Variants in KGD4 observed in about 807,000 individuals in gnomAD.
KGD4 encodes the protein alpha-ketoglutarate dehydrogenase component 4.
chr5:69,228,140 C>G, the KGD4 span: 33 of 1,286,722 alleles, frequency 2.6e-5, no homozygotes, highest in Non-Finnish European at 3.5e-5. Flanking sequence ...TATTTTAAGA[C>G]TCAGTATTTT....
the KGD4 span, among the ~76,000 whole-genome samples, chr5:69,220,767 AAG>A: frequency 2.6e-5 from 4 of 152,166 alleles, no homozygotes; most frequent in African/African-American, 9.6e-5. Context: ...GGGGAAAAGA[AAG>A]AGAGATCAGA....
At chr5:69,219,236 G>T in the KGD4 span, among the ~76,000 whole-genome samples, 62,117 of 152,006 alleles carry the variant, frequency 0.41, 12,810 homozygotes, top group South Asian at 0.56. Flanking sequence ...GTCTCTAATA[G>T]TTAAGCATGT....
At chr5:69,227,331 C>G in the KGD4 span, among the ~76,000 whole-genome samples, 1 of 152,160 alleles carries the variant, frequency 6.6e-6, no homozygotes, top group Non-Finnish European at 1.5e-5. Context: ...AATAACCATT[C>G]CTGTTTCTCT....
the KGD4 span, among the ~76,000 whole-genome samples, chr5:69,222,590 G>C: frequency 6.6e-6 from 1 of 152,096 alleles, no homozygotes; most frequent in African/African-American, 2.4e-5. Context: ...CTTTTAAGTT[G>C]TAGAGAGGGA....
At chr5:69,217,823 G>C in the KGD4 span, 5 of 1,613,970 alleles carry the variant, frequency 3.1e-6, no homozygotes, top group Non-Finnish European at 4.2e-6. Context: ...GCCCCTTCTC[G>C]GGGGTCATGA....
chr5:69,222,449 T>TA, the KGD4 span, among the ~76,000 whole-genome samples: 3 of 152,136 alleles, frequency 2.0e-5, no homozygotes, highest in Non-Finnish European at 4.4e-5. Flanking sequence ...AATGGGTACA[T>TA]AAGACAGTAG....
At chr5:69,219,446 T>C in the KGD4 span, among the ~76,000 whole-genome samples, 4 of 152,168 alleles carry the variant, frequency 2.6e-5, no homozygotes, top group Admixed American at 6.6e-5. Context: ...TGCCATGGGG[T>C]CCCTGGCTCT....
At chr5:69,218,382 C>T in the KGD4 span, among the ~76,000 whole-genome samples, 1 of 152,234 alleles carries the variant, frequency 6.6e-6, no homozygotes, top group Non-Finnish European at 1.5e-5. Flanking sequence ...CGGGTTCTCC[C>T]CAACCTCTCC....
At chr5:69,226,159 TTG>T in the KGD4 span, among the ~76,000 whole-genome samples, 1 of 151,884 alleles carries the variant, frequency 6.6e-6, no homozygotes, top group Admixed American at 6.6e-5. Context: ...AAGTACAAAG[TTG>T]TGTTTACCGG....
chr5:69,223,554 A>G, the KGD4 span, among the ~76,000 whole-genome samples: 2 of 90,454 alleles, frequency 2.2e-5, no homozygotes. Context: ...ATATAAATAT[A>G]TTGCAGATAA....
chr5:69,218,122 T>C, the KGD4 span: 9 of 566,588 alleles, frequency 1.6e-5, no homozygotes, highest in Non-Finnish European at 2.8e-5. Flanking sequence ...GTAGGTCCTG[T>C]ACCTACTGCC....
the KGD4 span, among the ~76,000 whole-genome samples, chr5:69,219,176 A>G: frequency 6.6e-6 from 1 of 152,224 alleles, no homozygotes; most frequent in South Asian, 2.1e-4. Context: ...GAAACCCTCA[A>G]TATTGCTGGT....
the KGD4 span, among the ~76,000 whole-genome samples, chr5:69,224,117 A>C: frequency 1.3e-5 from 2 of 152,008 alleles, no homozygotes; most frequent in Non-Finnish European, 2.9e-5. Flanking sequence ...TGGGCCGGGC[A>C]TGGTGGCCCA....
the KGD4 span, among the ~76,000 whole-genome samples, chr5:69,227,760 G>C: frequency 1.3e-5 from 2 of 152,182 alleles, no homozygotes; most frequent in Non-Finnish European, 2.9e-5. Context: ...CTAAAGGGTT[G>C]AATTCCACTA....
the KGD4 span, among the ~76,000 whole-genome samples, chr5:69,223,003 C>T: frequency 6.8e-6 from 1 of 147,188 alleles, no homozygotes; most frequent in Non-Finnish European, 1.5e-5. Flanking sequence ...GTCTTGAATT[C>T]GTGACCTCAT....
chr5:69,220,558 G>T, the KGD4 span, among the ~76,000 whole-genome samples: 1 of 151,302 alleles, frequency 6.6e-6, no homozygotes. Flanking sequence ...GCCCCGTCTG[G>T]GATGTGAGGA....
chr5:69,226,211 G>C, the KGD4 span: 7 of 648,422 alleles, frequency 1.1e-5, no homozygotes, highest in African/African-American at 1.3e-4. Context: ...TTTCCTGGTT[G>C]GGGAAGAGTA....
the KGD4 span, among the ~76,000 whole-genome samples, chr5:69,218,288 C>T: frequency 1.1e-3 from 174 of 152,310 alleles, 1 homozygote; most frequent in African/African-American, 3.9e-3. Flanking sequence ...TGGAAGGAAG[C>T]GAACCCTGGA....
At chr5:69,217,869 C>G in the KGD4 span, 1 of 1,614,036 alleles carries the variant, frequency 6.2e-7, no homozygotes, top group Non-Finnish European at 8.5e-7. Context: ...TAGGGTCGTT[C>G]AGGTAAAGCA....
Sources: allele counts gnomAD v4.1 joint callset (sites outside exome capture counted in the v4.1 genomes callset), GRCh38; gene constraint gnomAD v4.1.1; transcripts MANE v1.5; gene names NCBI Gene and HGNC (gene_info 2026-07-23, HGNC 2026-07-21).